Variants in EPB41L2 observed in about 807,000 individuals in gnomAD.
The protein encoded by EPB41L2 is band 4.1-like protein 2.
EPB41L2 carries 43 observed loss-of-function variants against 113.0 expected under a neutral mutation model. The ratio of observed to expected loss-of-function variants is 0.38; its 90% CI spans 0.30 to 0.49. The LOEUF (loss-of-function observed/expected upper bound fraction) is 0.49, where lower values mean the gene tolerates loss of function less well. Ranked by LOEUF, EPB41L2 falls within the 20% of genes least tolerant of loss-of-function variation. The pLI is 0.95. For synonymous variants in EPB41L2, 442 were observed against 436.7 expected (o/e 1.01, Z -0.15); for missense variants, 1,147 against 1,223.4 (o/e 0.94, Z 0.93).
chr6:130,908,945 A>C, intron 4 of EPB41L2, 82 bp from the exon 5 acceptor site: 1 of 1,109,724 alleles, frequency 9.0e-7, no homozygotes, highest in Non-Finnish European at 1.3e-6. Context: ...TAATTATTTA[A>C]GTGTAAACAC....
intron 1 of EPB41L2, among the ~76,000 whole-genome samples, chr6:131,019,109 T>C (rs997022089): frequency 6.6e-6 from 1 of 152,238 alleles, no homozygotes; most frequent in Non-Finnish European, 1.5e-5. Context: ...GGGAAAACTG[T>C]TATCTTTACA....
chr6:130,937,720 G>T (rs1371507621), intron 3 of EPB41L2, among the ~76,000 whole-genome samples: 2 of 151,674 alleles, frequency 1.3e-5, no homozygotes, highest in South Asian at 2.1e-4. Flanking sequence ...TCGGGAGGCT[G>T]AGGCAGAATT....
intron 3 of EPB41L2, among the ~76,000 whole-genome samples, chr6:130,954,040 CTTTTTTT>C (rs780758511): frequency 0.033 from 1,917 of 58,794 alleles, 74 homozygotes; most frequent in East Asian, 0.24. Context: ...CCTTTTCTTT[CTTTTTTT>C]TTTTTTTTTT....
Position 131,022,825 on chromosome 6 carries a change from G to C in EPB41L2, c.-15+40330C>G, listed in dbSNP as rs143696098. Among the ~76,000 whole-genome samples, 3 of 152,160 alleles carry C rather than the reference G, an allele frequency of 2.0e-5. No individual in the cohort carries two copies. The East Asian group carries it at 5.8e-4, about 29-fold the overall frequency. Reference sequence around the variant, plus strand: ...GCCTTTTAAAAATATTTTTTAAATGGAATTCTGTAACACTAACCTCTTGGA... The same window carrying C: ...GCCTTTTAAAAATATTTTTTAAATGCAATTCTGTAACACTAACCTCTTGGA... On this transcript the variant is annotated intron_variant, in intron 1 of 19. Transcript: ENST00000337057.
intron 4 of EPB41L2, among the ~76,000 whole-genome samples, chr6:130,924,377 T>C (rs893537924): frequency 7.0e-5 from 9 of 129,198 alleles, no homozygotes; most frequent in African/African-American, 2.2e-4. Context: ...TGCTAGATCA[T>C]GGAGTTCTTT....
intron 1 of EPB41L2, among the ~76,000 whole-genome samples, chr6:130,991,924 C>T (rs567817477): frequency 1.8e-4 from 28 of 152,084 alleles, no homozygotes; most frequent in Middle Eastern, 3.4e-3. Flanking sequence ...TGGATCTAAA[C>T]ATACACCCAC....
intron 19 of EPB41L2, among the ~76,000 whole-genome samples, chr6:130,857,314 ATAGTT>A (rs765897856): frequency 2.0e-5 from 3 of 152,164 alleles, no homozygotes; most frequent in Non-Finnish European, 4.4e-5. Context: ...TAGTTTGCAC[ATAGTT>A]TACTCATTTA....
Position 130,869,845 on chromosome 6 carries a change from T to C in EPB41L2, c.2325A>G (p.Glu775=). 6.2e-7 allele frequency: 1 copy of C among 1,613,808 alleles called. No homozygotes were observed. Among genetic ancestry groups the C allele is most frequent in the East Asian group, 2.2e-5 (1 of 44,860 alleles). ...GTIREEQEYE[E]EVEEEPRPAA... is the part of the protein sequence containing the mutation. The stretch of plus-strand genomic sequence containing the variant: ...CCGGGCGGGGTTCTTCCTCCACCTC[T>C]TCTTCATACTCCTGTTCCTCCCTGA... The change falls in exon 15 of 20, where the codon GAA becomes GAG. Residue 775 remains glutamate (E), a synonymous_variant. Transcript: ENST00000337057.
At chr6:131,061,895 A>T (rs932592604) in intron 1 of EPB41L2, among the ~76,000 whole-genome samples, 3 of 152,156 alleles carry the variant, frequency 2.0e-5, no homozygotes, top group Admixed American at 2.0e-4. Context: ...AAACAGCTTA[A>T]ATAACAGTAA....
chr6:131,038,738 A>T (rs1793837109), intron 1 of EPB41L2, among the ~76,000 whole-genome samples: 1 of 152,176 alleles, frequency 6.6e-6, no homozygotes, highest in Admixed American at 6.5e-5. Flanking sequence ...TTTTATTAAT[A>T]TGGTATGCAG....
intron 1 of EPB41L2, among the ~76,000 whole-genome samples, chr6:131,001,019 C>G (rs1466645272): frequency 6.6e-6 from 1 of 151,914 alleles, no homozygotes; most frequent in Non-Finnish European, 1.5e-5. Context: ...GAATAATAAA[C>G]AAAGACTAAA....
At chr6:131,057,870 C>T (rs1797895094) in intron 1 of EPB41L2, among the ~76,000 whole-genome samples, 1 of 152,166 alleles carries the variant, frequency 6.6e-6, no homozygotes, top group Admixed American at 6.5e-5. Flanking sequence ...TGAACAGTGA[C>T]AAAACCACTT....
chr6:130,976,434 T>A (rs1329503926), intron 1 of EPB41L2, among the ~76,000 whole-genome samples: 1 of 152,140 alleles, frequency 6.6e-6, no homozygotes, highest in Admixed American at 6.5e-5. Flanking sequence ...GTTAGACTCA[T>A]ATGTTCAATT....
chr6:131,042,852 T>G (rs1483998068), intron 1 of EPB41L2, among the ~76,000 whole-genome samples: 1 of 152,206 alleles, frequency 6.6e-6, no homozygotes, highest in Non-Finnish European at 1.5e-5. Context: ...CTCCCTTTCT[T>G]TTTTGGAAAT....
chr6:131,037,113 T>G (rs1793478167), intron 1 of EPB41L2, among the ~76,000 whole-genome samples: 2 of 152,258 alleles, frequency 1.3e-5, no homozygotes, highest in South Asian at 4.1e-4. Flanking sequence ...ATGTATTTGC[T>G]TATTCCAAAA....
chr6:131,054,612 C>T (rs532263324), intron 1 of EPB41L2, among the ~76,000 whole-genome samples: 32 of 152,344 alleles, frequency 2.1e-4, no homozygotes, highest in African/African-American at 6.3e-4. Flanking sequence ...CCTGTTCGGG[C>T]GCCACTTGTG....
intron 1 of EPB41L2, among the ~76,000 whole-genome samples, chr6:130,992,148 A>G (rs1378128721): frequency 2.0e-5 from 3 of 152,200 alleles, no homozygotes; most frequent in Non-Finnish European, 4.4e-5. Flanking sequence ...TTTCTTCAGT[A>G]ATTATTAAGA....
chr6:130,984,935 A>G (rs1379227894), intron 1 of EPB41L2, among the ~76,000 whole-genome samples: 1 of 152,240 alleles, frequency 6.6e-6, no homozygotes, highest in Non-Finnish European at 1.5e-5. Flanking sequence ...AAAAGGGACA[A>G]GAACCTTCAA....
At chr6:130,998,617 G>A (rs960072283) in intron 1 of EPB41L2, among the ~76,000 whole-genome samples, 1 of 151,968 alleles carries the variant, frequency 6.6e-6, no homozygotes, top group African/African-American at 2.4e-5. Flanking sequence ...TATCTTCAGT[G>A]GACAGTACTC....
Sources: gnomAD v4.1 joint callset for allele counts (sites outside exome capture counted in the v4.1 genomes callset) on GRCh38, gnomAD v4.1.1 for gene constraint, MANE v1.5 for transcripts, NCBI Gene and HGNC (gene_info 2026-07-23, HGNC 2026-07-21) for gene names.